The following ZHX2 variants were observed in gnomAD, a reference collection of about 807,000 sequenced individuals.
ZHX2 encodes zinc fingers and homeoboxes protein 2.
A neutral mutation model predicts 21.9 loss-of-function variants in ZHX2; 6 were observed. The observed-to-expected ratio is 0.27, with a 90% CI of 0.15 to 0.54. The LOEUF (loss-of-function observed/expected upper bound fraction) is 0.54. ZHX2 is among the 20% of genes least tolerant of loss of function. The pLI, the probability that ZHX2 is intolerant of heterozygous loss-of-function variation, is 0.95. For missense variants in ZHX2, 908 were observed against 1,090.7 expected (o/e 0.83, Z 2.36); for synonymous variants, 434 against 437.1 (o/e 0.99, Z 0.09).
intron 2 of ZHX2, among the ~76,000 whole-genome samples, chr8:122,908,281 C>T (rs1257719919): frequency 6.6e-6 from 1 of 152,192 alleles, no homozygotes; most frequent in Non-Finnish European, 1.5e-5. Context: ...CTCACTGCAA[C>T]CTCCGCCTCC....
chr8:122,811,920 C>G (rs1475309670), intron 1 of ZHX2: 1 of 152,196 alleles, frequency 6.6e-6, no homozygotes, highest in African/African-American at 2.4e-5. Flanking sequence ...GTACCTGGTT[C>G]TCTTCTCAGG....
chr8:122,792,356 T>A (rs1000287705), intron 1 of ZHX2, among the ~76,000 whole-genome samples: 2 of 152,258 alleles, frequency 1.3e-5, no homozygotes, highest in Non-Finnish European at 2.9e-5. Flanking sequence ...TACCACATTT[T>A]GTTAGCCATT....
chr8:122,960,326 G>A (rs1268223154), intron 3 of ZHX2, among the ~76,000 whole-genome samples: 1 of 152,048 alleles, frequency 6.6e-6, no homozygotes, highest in Admixed American at 6.5e-5. Context: ...ATCACCTGAG[G>A]TCAGGACTTC....
chr8:122,922,118 C>T (rs193232857), intron 2 of ZHX2, among the ~76,000 whole-genome samples: 2 of 152,196 alleles, frequency 1.3e-5, no homozygotes, highest in East Asian at 1.9e-4. Flanking sequence ...CTCCTGCATT[C>T]ATTTTGGGTG....
chr8:122,888,193 A>G (rs916121011), intron 2 of ZHX2, among the ~76,000 whole-genome samples: 29 of 152,114 alleles, frequency 1.9e-4, no homozygotes, highest in African/African-American at 6.8e-4. Flanking sequence ...CTGAAAATGC[A>G]GACAGAGCCT....
chr8:122,874,611 G>C (rs946206471), intron 2 of ZHX2, among the ~76,000 whole-genome samples: 1 of 152,130 alleles, frequency 6.6e-6, no homozygotes, highest in African/African-American at 2.4e-5. Flanking sequence ...GGGATTACAG[G>C]AGTGAGCCAC....
chr8:122,844,746 T>A (rs1399467194), intron 1 of ZHX2, among the ~76,000 whole-genome samples: 1 of 152,208 alleles, frequency 6.6e-6, no homozygotes, highest in Non-Finnish European at 1.5e-5. Context: ...TGTGTCTGTC[T>A]GTCTGTCTCA....
In ZHX2 at chr8:122,952,826, C is replaced by T. The variant is rs761451956; in HGVS notation, c.1316C>T (p.Thr439Ile). 4.3e-6 allele frequency: 7 copies of T among 1,614,052 alleles called. No individual in the cohort carries two copies. The African/African-American group carries it at 6.7e-5, about 15-fold the overall frequency. Residue 439 changes from threonine (T) to isoleucine (I), a missense_variant, in exon 3 of 4, where the codon ACA becomes ATA. Around this residue, in one of 4 missense-constraint regions of ZHX2, gnomAD observed 232 missense variants for 361.8 expected, o/e 0.64. Transcript: ENST00000314393. This position sits in a 1 kb window ranked among gnomAD's most constrained non-coding sequence, Gnocchi z 6.9. ...CCCAAGGTGGCCAACCCCCCGCTCACACCAGCCAGTGACCGCAAGAAGACA... is the reference window on the plus strand; with the variant it reads ...CCCAAGGTGGCCAACCCCCCGCTCATACCAGCCAGTGACCGCAAGAAGACA... ...PPPKVANPPL[T>I]PASDRKKTKE...
chr8:122,964,657 G>A lies in ZHX2; in HGVS notation c.*5-8585G>A, dbSNP rs951480896. Among the ~76,000 whole-genome samples the A allele has an allele frequency of 3.9e-5, 6 of 152,052 alleles. No individual in the cohort carries two copies. The South Asian group carries it at 1.0e-3, about 26-fold the overall frequency. ...TTTGGTATTAGGTGATACTGGCTTC[G>A]TAGAAGGATTTAGGGAGGATTCCTT... On this transcript the variant is annotated intron_variant, in intron 3 of 3. Coordinates refer to ENST00000314393, the MANE Select transcript of ZHX2 (RefSeq NM_014943.5).
intron 2 of ZHX2, among the ~76,000 whole-genome samples, chr8:122,909,846 G>A (rs1244490910): frequency 6.6e-6 from 1 of 152,182 alleles, no homozygotes; most frequent in Middle Eastern, 3.2e-3. Context: ...GGCAATCCTG[G>A]AAGGCAGGGG....
chr8:122,809,937 G>A (rs150788002), intron 1 of ZHX2, among the ~76,000 whole-genome samples: 32 of 152,194 alleles, frequency 2.1e-4, no homozygotes, highest in African/African-American at 7.7e-4. Context: ...GTGACTCTGG[G>A]GATTGGGTAG....
chr8:122,956,876 C>T (rs1403694631), intron 3 of ZHX2, among the ~76,000 whole-genome samples: 1 of 152,146 alleles, frequency 6.6e-6, no homozygotes, highest in Non-Finnish European at 1.5e-5. Context: ...CCCATCTCTT[C>T]TCTCCCAAGC....
intron 2 of ZHX2, among the ~76,000 whole-genome samples, chr8:122,877,654 G>A (rs1417497332): frequency 6.6e-6 from 1 of 152,194 alleles, no homozygotes; most frequent in Admixed American, 6.5e-5. Context: ...TGGTACTCCA[G>A]GAACACGGGA....
intron 2 of ZHX2, among the ~76,000 whole-genome samples, chr8:122,947,225 A>G (rs1395948409): frequency 6.6e-6 from 1 of 151,400 alleles, no homozygotes; most frequent in African/African-American, 2.4e-5. Context: ...AGATCGTGCC[A>G]TTGCACTCCA....
intron 1 of ZHX2, among the ~76,000 whole-genome samples, chr8:122,812,972 G>A (rs1037819643): frequency 1.3e-5 from 2 of 152,164 alleles, no homozygotes; most frequent in African/African-American, 4.8e-5. Flanking sequence ...AAGGCAGGCG[G>A]TTCACCTGAG....
chr8:122,854,683 A>G (rs1818987255), intron 1 of ZHX2, among the ~76,000 whole-genome samples: 1 of 152,156 alleles, frequency 6.6e-6, no homozygotes, highest in Non-Finnish European at 1.5e-5. Flanking sequence ...CACTGTCATT[A>G]AGCAGGCAAG....
chr8:122,793,757 A>G (rs188760091), intron 1 of ZHX2, among the ~76,000 whole-genome samples: 10 of 152,350 alleles, frequency 6.6e-5, no homozygotes, highest in African/African-American at 1.7e-4. Flanking sequence ...GATTCCGCAC[A>G]TGGCTCAAAT....
At chr8:122,889,379 A>G (rs113639207) in intron 2 of ZHX2, among the ~76,000 whole-genome samples, 2,681 of 152,236 alleles carry the variant, frequency 0.018, 35 homozygotes, top group Middle Eastern at 0.044. Context: ...CTGCATCCTC[A>G]CCAGCATTTG....
At chr8:122,958,578 C>A (rs1049486581) in intron 3 of ZHX2, among the ~76,000 whole-genome samples, 3 of 152,148 alleles carry the variant, frequency 2.0e-5, no homozygotes, top group Admixed American at 6.5e-5. Flanking sequence ...CAGCCTTGTC[C>A]CCATTTTATA....
Sources: allele counts gnomAD v4.1 joint callset (sites outside exome capture counted in the v4.1 genomes callset), GRCh38; gene constraint gnomAD v4.1.1; regional missense constraint gnomAD v4.1.1; non-coding constraint Gnocchi (gnomAD v3.1); transcripts MANE v1.5; gene names NCBI Gene and HGNC (gene_info 2026-07-23, HGNC 2026-07-21).